Variants in LRMDA observed in about 807,000 individuals in gnomAD.
LRMDA encodes leucine rich melanocyte differentiation associated.
LRMDA carries 18 observed loss-of-function variants against 29.8 expected under a neutral mutation model. That is an observed-to-expected ratio of 0.60 (90% confidence interval 0.42 to 0.90). LRMDA has a LOEUF of 0.90. Among genes scored for constraint, LRMDA ranks in the 40% least tolerant of loss-of-function variants. The pLI is 0.00. For missense variants in LRMDA, 273 were observed against 273.9 expected (o/e 1.00, Z 0.02); for synonymous variants, 125 against 109.4 (o/e 1.14, Z -0.89).
chr10:76,353,238 T>A (rs972082532), intron 6 of LRMDA, among the ~76,000 whole-genome samples: 2 of 152,064 alleles, frequency 1.3e-5, no homozygotes, highest in African/African-American at 4.8e-5. Flanking sequence ...ATTAATCTCA[T>A]GGACATTACA....
rs575483413 is a variant in LRMDA at position 75,828,398 on chromosome 10, T to C, written c.132-207610T>C. 5.3e-5 allele frequency among the ~76,000 whole-genome samples: 8 copies of C among 152,292 alleles called. No homozygotes were observed. In the South Asian group the frequency reaches 1.4e-3, roughly 28 times the overall value. ...TGAGGTTTATATTGTCTGCCAAAAC[T>C]AGGAGGAAAAGAAAATATTAACAAC... On this transcript the variant is annotated intron_variant, in intron 2 of 6. Coordinates refer to ENST00000611255, the MANE Select transcript of LRMDA (RefSeq NM_001305581.2).
chr10:75,925,250 A>G (rs748802592), intron 2 of LRMDA, among the ~76,000 whole-genome samples: 8 of 152,040 alleles, frequency 5.3e-5, no homozygotes, highest in Non-Finnish European at 1.2e-4. Context: ...TGAATAATTT[A>G]TTATTCCTTC....
chr10:75,865,581 C>G (rs1845005157), intron 2 of LRMDA, among the ~76,000 whole-genome samples: 1 of 152,042 alleles, frequency 6.6e-6, no homozygotes, highest in Admixed American at 6.6e-5. Context: ...CTTACCATAC[C>G]AGTTCTTCTG....
chr10:76,236,768 T>C (rs1852160197), intron 5 of LRMDA, among the ~76,000 whole-genome samples: 1 of 152,254 alleles, frequency 6.6e-6, no homozygotes, highest in Non-Finnish European at 1.5e-5. Context: ...CTCTGATTAA[T>C]GTTTTCTAAG....
At chr10:75,872,426 C>T (rs1845129488) in intron 2 of LRMDA, among the ~76,000 whole-genome samples, 2 of 152,138 alleles carry the variant, frequency 1.3e-5, no homozygotes, top group Admixed American at 1.3e-4. Context: ...GCCTCAGCCT[C>T]CCGCGTAGCT....
chr10:76,375,683 G>GATGTTACTAGT (rs148748172), intron 6 of LRMDA, among the ~76,000 whole-genome samples: 9,559 of 150,614 alleles, frequency 0.063, 472 homozygotes, highest in Admixed American at 0.13. Context: ...CTTAAATCCT[G>GATGTTACTAGT]ATGTTACTAG....
At chr10:76,224,649 A>G (rs1010169445) in intron 5 of LRMDA, among the ~76,000 whole-genome samples, 4 of 151,086 alleles carry the variant, frequency 2.6e-5, no homozygotes, top group Admixed American at 2.6e-4. Flanking sequence ...GAGCAATAAA[A>G]TAATAATGTC....
At chr10:76,091,793 C>T (rs923024934) in intron 5 of LRMDA, among the ~76,000 whole-genome samples, 1 of 152,106 alleles carries the variant, frequency 6.6e-6, no homozygotes, top group Non-Finnish European at 1.5e-5. Flanking sequence ...TCAGTTGATC[C>T]TCCTGCCTCA....
intron 6 of LRMDA, among the ~76,000 whole-genome samples, chr10:76,436,804 G>GC (rs1166000198): frequency 4.6e-5 from 7 of 152,164 alleles, no homozygotes; most frequent in Non-Finnish European, 1.0e-4. Context: ...GTCAGAGCAG[G>GC]CTGTGTTCTG....
intron 2 of LRMDA, among the ~76,000 whole-genome samples, chr10:75,732,204 C>T (rs544561369): frequency 5.9e-5 from 9 of 152,006 alleles, no homozygotes; most frequent in Non-Finnish European, 1.0e-4. Context: ...GATGGAGCAC[C>T]GACTCTCAAA....
At chr10:76,220,272 C>T (rs1383250376) in intron 5 of LRMDA, among the ~76,000 whole-genome samples, 2 of 151,980 alleles carry the variant, frequency 1.3e-5, no homozygotes, top group Non-Finnish European at 2.9e-5. Context: ...AAGATCAGAG[C>T]AGAACTGAAG....
At chr10:76,416,811 G>A (rs931087426) in intron 6 of LRMDA, among the ~76,000 whole-genome samples, 1 of 152,160 alleles carries the variant, frequency 6.6e-6, no homozygotes, top group African/African-American at 2.4e-5. Flanking sequence ...ACACCCTGTT[G>A]GTTTGTAGTT....
chr10:76,324,834 G>A (rs759150881), intron 6 of LRMDA, among the ~76,000 whole-genome samples: 15 of 152,050 alleles, frequency 9.9e-5, no homozygotes, highest in Non-Finnish European at 1.9e-4. Flanking sequence ...TAAAAGTATC[G>A]TTGTTTGAGA....
intron 2 of LRMDA, among the ~76,000 whole-genome samples, chr10:75,810,113 A>C (rs1223161738): frequency 1.3e-5 from 2 of 152,200 alleles, no homozygotes; most frequent in Non-Finnish European, 2.9e-5. Flanking sequence ...AGTCTCTGGC[A>C]GGAAGGAGGT....
chr10:75,747,242 C>T (rs926997664), intron 2 of LRMDA, among the ~76,000 whole-genome samples: 4 of 151,858 alleles, frequency 2.6e-5, no homozygotes, highest in South Asian at 2.1e-4. Context: ...AATTAGATTA[C>T]GAGGTTAAGC....
At chr10:76,373,981 CAT>C (rs1361679674) in intron 6 of LRMDA, among the ~76,000 whole-genome samples, 3 of 152,106 alleles carry the variant, frequency 2.0e-5, no homozygotes, top group African/African-American at 7.2e-5. Context: ...ATACAAAGCC[CAT>C]ATGTCAGCCC....
At chr10:75,773,821 G>A (rs1369188317) in intron 2 of LRMDA, among the ~76,000 whole-genome samples, 1 of 152,174 alleles carries the variant, frequency 6.6e-6, no homozygotes, top group Non-Finnish European at 1.5e-5. Context: ...GGCCCACGTT[G>A]AGTTCTTCCT....
intron 2 of LRMDA, among the ~76,000 whole-genome samples, chr10:75,860,052 A>T (rs986442290): frequency 6.6e-6 from 1 of 152,182 alleles, no homozygotes; most frequent in South Asian, 2.1e-4. Context: ...ATTTCTAATT[A>T]TACAGAAAAC....
At chr10:76,016,214 T>G (rs770083569) in intron 2 of LRMDA, among the ~76,000 whole-genome samples, 16 of 152,320 alleles carry the variant, frequency 1.1e-4, no homozygotes, top group Admixed American at 3.9e-4. Context: ...CTTTTTTCCT[T>G]TGATGATGTT....
Sources: gnomAD v4.1 joint callset for allele counts (sites outside exome capture counted in the v4.1 genomes callset) on GRCh38, gnomAD v4.1.1 for gene constraint, MANE v1.5 for transcripts, NCBI Gene and HGNC (gene_info 2026-07-23, HGNC 2026-07-21) for gene names.